The following TRIM5 variants were observed in gnomAD, a reference collection of about 807,000 sequenced individuals.
TRIM5 encodes the protein tripartite motif containing 5.
In TRIM5, 31 loss-of-function variants were observed where a neutral mutation model predicts 35.6. The ratio of observed to expected loss-of-function variants is 0.87; its 90% CI spans 0.65 to 1.18. TRIM5 has a LOEUF of 1.18. Among genes scored for constraint, TRIM5 ranks in the 50% most tolerant of loss-of-function variants. The pLI, the probability that TRIM5 is intolerant of heterozygous loss-of-function variation, is 0.00. For missense variants in TRIM5, 609 were observed against 591.6 expected (o/e 1.03, Z -0.31); for synonymous variants, 243 against 215.6 (o/e 1.13, Z -1.11).
chr11:5,591,076 C>T, the TRIM5 span: 1 of 156,592 alleles, frequency 6.4e-6, no homozygotes, highest in Non-Finnish European at 1.4e-5. Flanking sequence ...GATAAAACTT[C>T]TTCAAAAGGA....
rs1047839817 is a variant in TRIM5 at position 5,663,715 on chromosome 11, C to G, written c.*1094G>C. The G allele has an allele frequency of 7.5e-6, 3 of 400,156 alleles. No individual in the cohort carries two copies. The highest frequency in any genetic ancestry group is 6.5e-5 in the African/African-American group (3 of 46,072). The allele number at this position is 400,156 out of a possible 1,614,324, so 24.8% of individuals were successfully genotyped here. ...ATACATGTATACATTGCGTAATAACCGAACCAGGGTAATTAGCATATCCAT... is the reference window on the plus strand; with the variant it reads ...ATACATGTATACATTGCGTAATAACGGAACCAGGGTAATTAGCATATCCAT... On this transcript the variant is annotated 3_prime_UTR_variant, in exon 8 of 8. Coordinates refer to ENST00000380034, the MANE Select transcript of TRIM5 (RefSeq NM_033034.3).
At chr11:5,609,940 C>A in the TRIM5 span, among the ~76,000 whole-genome samples, 4 of 152,222 alleles carry the variant, frequency 2.6e-5, no homozygotes, top group Middle Eastern at 3.4e-3. Flanking sequence ...AAAGTTAAAT[C>A]TTACACAAGT....
chr11:5,606,148 C>T, the TRIM5 span, among the ~76,000 whole-genome samples: 8 of 152,308 alleles, frequency 5.3e-5, no homozygotes, highest in Admixed American at 3.3e-4. Context: ...GGCACACTTA[C>T]GCCAAGCTAA....
chr11:5,656,704 G>GA, the TRIM5 span, among the ~76,000 whole-genome samples: 4 of 151,190 alleles, frequency 2.6e-5, no homozygotes, highest in African/African-American at 4.9e-5. Context: ...ACAAACATTT[G>GA]AAAAAAAACC....
At chr11:5,662,530 A>T (rs1411749347), downstream of TRIM5, among the ~76,000 whole-genome samples, 1 of 152,222 alleles carries the variant, frequency 6.6e-6, no homozygotes, top group Admixed American at 6.5e-5. Flanking sequence ...TTCTGACTTT[A>T]TCTGCATCAC....
chr11:5,602,886 G>A, the TRIM5 span, among the ~76,000 whole-genome samples: 3 of 152,046 alleles, frequency 2.0e-5, no homozygotes, highest in South Asian at 2.1e-4. Context: ...CCTGGGAGGC[G>A]GAGATTGCAG....
At chr11:5,669,410 T>A (rs908522241) in intron 4 of TRIM5, among the ~76,000 whole-genome samples, 1 of 152,216 alleles carries the variant, frequency 6.6e-6, no homozygotes, top group African/African-American at 2.4e-5. Context: ...TTAGGTAATC[T>A]ACTCCTCTTT....
chr11:5,683,825 G>C (rs950775911), intron 1 of TRIM5, among the ~76,000 whole-genome samples: 1 of 152,146 alleles, frequency 6.6e-6, no homozygotes, highest in African/African-American at 2.4e-5. Flanking sequence ...ATGTGGGTGG[G>C]GCCAGATAAG....
the TRIM5 span, chr11:5,611,630 T>A: frequency 3.1e-6 from 1 of 318,946 alleles, no homozygotes; most frequent in Non-Finnish European, 5.8e-6. Context: ...ATTTTTGTAT[T>A]TTTATAGAGA....
the TRIM5 span, among the ~76,000 whole-genome samples, chr11:5,622,889 G>A: frequency 2.6e-5 from 4 of 152,192 alleles, no homozygotes; most frequent in Non-Finnish European, 5.9e-5. Flanking sequence ...TACCCAAGGT[G>A]GTCAGGGCAC....
At chr11:5,613,772 G>A in the TRIM5 span, among the ~76,000 whole-genome samples, 5 of 152,116 alleles carry the variant, frequency 3.3e-5, no homozygotes, top group Admixed American at 6.6e-5. Flanking sequence ...GAGTTCTAGG[G>A]ATGTGGTATA....
At chr11:5,642,986 C>A in the TRIM5 span, 1 of 1,368,620 alleles carries the variant, frequency 7.3e-7, no homozygotes, top group Non-Finnish European at 9.8e-7. Flanking sequence ...CAGTGTTTTA[C>A]CCCTCCAATT....
chr11:5,610,681 T>A, the TRIM5 span: 2 of 1,569,376 alleles, frequency 1.3e-6, no homozygotes, highest in Non-Finnish European at 1.7e-6. Flanking sequence ...GCCATATAGT[T>A]CCAGTTCCTC....
the TRIM5 span, among the ~76,000 whole-genome samples, chr11:5,616,290 C>T: frequency 7.8e-3 from 1,128 of 145,104 alleles, 104 homozygotes; most frequent in African/African-American, 0.026. Context: ...CTTCGTACTC[C>T]AGCCTGGGCA....
chr11:5,634,522 C>CATAT, the TRIM5 span: 2 of 662,668 alleles, frequency 3.0e-6, no homozygotes, highest in African/African-American at 4.3e-5. Context: ...CACACACACA[C>CATAT]ACACACACAT....
the TRIM5 span, among the ~76,000 whole-genome samples, chr11:5,653,214 G>A: frequency 3.2e-4 from 49 of 152,080 alleles, no homozygotes; most frequent in African/African-American, 9.7e-5. Flanking sequence ...ATCTCCCTGC[G>A]TAACTGTATT....
At chr11:5,617,231 G>A in the TRIM5 span, among the ~76,000 whole-genome samples, 2 of 144,762 alleles carry the variant, frequency 1.4e-5, no homozygotes, top group Non-Finnish European at 3.0e-5. Flanking sequence ...AAGCAGAGGA[G>A]AAATGTTAGG....
At chr11:5,640,450 T>C in the TRIM5 span, among the ~76,000 whole-genome samples, 1 of 152,132 alleles carries the variant, frequency 6.6e-6, no homozygotes, top group Non-Finnish European at 1.5e-5. Flanking sequence ...TGATTTTTTT[T>C]TATGTTGAAC....
chr11:5,607,975 G>A, the TRIM5 span, among the ~76,000 whole-genome samples: 105,212 of 152,040 alleles, frequency 0.69, 37,523 homozygotes, highest in African/African-American at 0.86. Flanking sequence ...TTGAGAAACA[G>A]CCATATATAA....
Sources: gnomAD v4.1 joint callset for allele counts (sites outside exome capture counted in the v4.1 genomes callset) on GRCh38, gnomAD v4.1.1 for gene constraint, MANE v1.5 for transcripts, NCBI Gene and HGNC (gene_info 2026-07-23, HGNC 2026-07-21) for gene names.